Variants in ATP10B observed in about 807,000 individuals in gnomAD.
ATP10B encodes the protein phospholipid-transporting ATPase VB.
Under a neutral mutation model 141.2 loss-of-function variants are expected in ATP10B, and 122 were observed. The ratio of observed to expected loss-of-function variants is 0.86; its 90% CI spans 0.75 to 1.00. ATP10B has a LOEUF of 1.00. Ranked by LOEUF, ATP10B falls within the 50% of genes least tolerant of loss-of-function variation. ATP10B has a pLI of 0.00. For synonymous variants in ATP10B, 685 were observed against 692.0 expected (o/e 0.99, Z 0.16); for missense variants, 1,876 against 1,825.3 (o/e 1.03, Z -0.51).
the ATP10B span, among the ~76,000 whole-genome samples, chr5:160,906,871 G>A: frequency 0.62 from 94,860 of 152,090 alleles, 30,916 homozygotes; most frequent in African/African-American, 0.81. Flanking sequence ...TGAAGGCATC[G>A]TTGAGTCAAT....
chr5:160,763,197 C>A (rs761239666), intron 2 of ATP10B, among the ~76,000 whole-genome samples: 1 of 152,062 alleles, frequency 6.6e-6, no homozygotes, highest in Non-Finnish European at 1.5e-5. Flanking sequence ...TTAAACTATA[C>A]CCTAGAACAA....
chr5:160,706,275 G>C (rs1191364287), intron 3 of ATP10B, among the ~76,000 whole-genome samples: 1 of 152,210 alleles, frequency 6.6e-6, no homozygotes, highest in East Asian at 1.9e-4. Context: ...TGGTGTTCTT[G>C]CTTGATGCAG....
the ATP10B span, among the ~76,000 whole-genome samples, chr5:160,887,984 G>A: frequency 1.3e-5 from 2 of 152,200 alleles, no homozygotes; most frequent in East Asian, 3.8e-4. Flanking sequence ...AAAATCCCAG[G>A]CATCTAGAGC....
chr5:160,753,761 T>G (rs1399783207), intron 2 of ATP10B, among the ~76,000 whole-genome samples: 6 of 152,184 alleles, frequency 3.9e-5, no homozygotes, highest in African/African-American at 1.4e-4. Flanking sequence ...TGTAAATGTT[T>G]TACATGCATT....
Position 160,686,067 on chromosome 5 carries a change from G to T in ATP10B, c.470+12C>A. 6.5e-7 allele frequency: 1 copy of T among 1,542,126 alleles called. No homozygotes were observed. Among genetic ancestry groups the T allele is most frequent in the South Asian group, 1.3e-5 (1 of 79,856 alleles). On this transcript the variant is annotated intron_variant, in intron 6 of 25. Coordinates refer to ENST00000327245, the MANE Select transcript of ATP10B (RefSeq NM_025153.3). ...CATTTGCAAGAGAGAACACAGGGAT[G>T]GTTTTTCTTACCTTTCATAAATTCG...
chr5:160,881,205 T>C, the ATP10B span, among the ~76,000 whole-genome samples: 5 of 152,312 alleles, frequency 3.3e-5, no homozygotes, highest in Admixed American at 3.3e-4. Context: ...TCACATTAAA[T>C]GGCATCAGGA....
chr5:160,612,861 C>A lies in ATP10B; in HGVS notation c.2718G>T (p.Glu906Asp). The A allele has an allele frequency of 6.2e-7, 1 of 1,614,090 alleles. No individual in the cohort carries two copies. The highest frequency in any genetic ancestry group is 1.1e-5 in the South Asian group (1 of 91,074). Residue 906 changes from glutamate (E) to aspartate (D), a missense_variant, in exon 18 of 26, where the codon GAG (glutamate) becomes GAT (aspartate). Coordinates refer to ENST00000327245, the MANE Select transcript of ATP10B (RefSeq NM_025153.3). ...GVPDTIATLR[E>D]AGIQLWVLTG... Reference sequence around the variant, plus strand: ...TCAGGACCCAGAGCTGGATCCCAGCCTCCCGCAGAGTGGCAATCGTATCTG... The same window carrying A: ...TCAGGACCCAGAGCTGGATCCCAGCATCCCGCAGAGTGGCAATCGTATCTG...
chr5:160,639,067 T>G (rs891003842), intron 10 of ATP10B: 2 of 152,344 alleles, frequency 1.3e-5, no homozygotes, highest in East Asian at 3.9e-4. Flanking sequence ...ACAAAACCAT[T>G]TTCCTTCCTG....
At chr5:160,897,882 C>T in the ATP10B span, among the ~76,000 whole-genome samples, 4 of 152,168 alleles carry the variant, frequency 2.6e-5, no homozygotes, top group East Asian at 7.7e-4. Flanking sequence ...TCAGAAATAA[C>T]AACACATATC....
intron 22 of ATP10B, among the ~76,000 whole-genome samples, chr5:160,594,313 A>G (rs1756527101): frequency 6.6e-6 from 1 of 152,228 alleles, no homozygotes; most frequent in African/African-American, 2.4e-5. Flanking sequence ...AGGAGAAATA[A>G]AATCCGTTAC....
At chr5:160,882,299 A>C in the ATP10B span, among the ~76,000 whole-genome samples, 13 of 151,598 alleles carry the variant, frequency 8.6e-5, no homozygotes, top group Non-Finnish European at 1.5e-4. Flanking sequence ...CAATTTTAAC[A>C]AATATGCCAT....
chr5:160,838,725 T>G (rs950924411), intron 1 of ATP10B, among the ~76,000 whole-genome samples: 2 of 152,034 alleles, frequency 1.3e-5, no homozygotes, highest in African/African-American at 2.4e-5. Flanking sequence ...TTAGGGACAT[T>G]TTTGATGATG....
chr5:160,714,989 C>T (rs1208318727), intron 3 of ATP10B, among the ~76,000 whole-genome samples: 7 of 90,944 alleles, frequency 7.7e-5, no homozygotes, highest in East Asian at 4.7e-4. Context: ...TCTCCAGCTG[C>T]GTGCTGGGAG....
At chr5:160,890,712 T>A in the ATP10B span, among the ~76,000 whole-genome samples, 3 of 152,204 alleles carry the variant, frequency 2.0e-5, no homozygotes, top group Non-Finnish European at 2.9e-5. Flanking sequence ...GTTTTCATTT[T>A]TTTTTCTCTT....
chr5:160,847,837 A>C (rs1427743875), intron 1 of ATP10B, among the ~76,000 whole-genome samples: 1 of 152,174 alleles, frequency 6.6e-6, no homozygotes, highest in Non-Finnish European at 1.5e-5. Flanking sequence ...TGTCCTCAGA[A>C]ACCTCTGCAA....
chr5:160,927,425 C>T, the ATP10B span, among the ~76,000 whole-genome samples: 1 of 152,150 alleles, frequency 6.6e-6, no homozygotes, highest in Non-Finnish European at 1.5e-5. Context: ...CTTACCATAC[C>T]TTGCTGTTTC....
intron 1 of ATP10B, among the ~76,000 whole-genome samples, chr5:160,797,750 CACAGAG>C (rs1210035010): frequency 1.3e-5 from 2 of 149,508 alleles, no homozygotes; most frequent in Non-Finnish European, 2.9e-5. Flanking sequence ...AACACAAACA[CACAGAG>C]AGAGAGAAAG....
chr5:160,775,520 CTT>C (rs1392912697), intron 2 of ATP10B, among the ~76,000 whole-genome samples: 1 of 152,092 alleles, frequency 6.6e-6, no homozygotes, highest in Non-Finnish European at 1.5e-5. Context: ...ACTGACATAA[CTT>C]TTTGTTCTAT....
chr5:160,815,407 G>C (rs1188083196), intron 1 of ATP10B, among the ~76,000 whole-genome samples: 1 of 152,150 alleles, frequency 6.6e-6, no homozygotes, highest in Non-Finnish European at 1.5e-5. Flanking sequence ...ATTACATAAT[G>C]GTAAAGGGAT....
Sources: allele counts gnomAD v4.1 joint callset (sites outside exome capture counted in the v4.1 genomes callset), GRCh38; gene constraint gnomAD v4.1.1; transcripts MANE v1.5; gene names NCBI Gene and HGNC (gene_info 2026-07-23, HGNC 2026-07-21).